Variants in MSRB3 observed in about 807,000 individuals in gnomAD.
MSRB3 encodes the protein methionine sulfoxide reductase B3.
In MSRB3, 13 loss-of-function variants were observed where a neutral mutation model predicts 21.0. The observed-to-expected ratio is 0.62, with a 90% confidence interval of 0.40 to 0.98. MSRB3 has a LOEUF of 0.98. Among genes scored for constraint, MSRB3 ranks in the 50% least tolerant of loss-of-function variants. MSRB3 has a pLI of 0.00. For missense variants in MSRB3, 199 were observed against 230.3 expected (o/e 0.86, Z 0.88); for synonymous variants, 87 against 88.6 (o/e 0.98, Z 0.10).
chr12:65,290,153 G>A (rs1200466254), intron 1 of MSRB3, among the ~76,000 whole-genome samples: 1 of 151,940 alleles, frequency 6.6e-6, no homozygotes, highest in East Asian at 1.9e-4. Context: ...GATGATAATA[G>A]TGATAATAAT....
intron 6 of MSRB3, 27 bp downstream of exon 6, chr12:65,453,852 A>G (rs1015590576): frequency 1.4e-5 from 22 of 1,573,930 alleles, no homozygotes; most frequent in African/African-American, 4.1e-5. Flanking sequence ...TGAAAACCCA[A>G]TACATTGCTT....
At chr12:65,371,370 A>G (rs2136538228) in intron 5 of MSRB3, among the ~76,000 whole-genome samples, 1 of 150,752 alleles carries the variant, frequency 6.6e-6, no homozygotes, top group South Asian at 2.1e-4. Context: ...AGCATATTGG[A>G]ACAATTAAAT....
At chr12:65,454,752 T>C (rs1199310759) in intron 6 of MSRB3, among the ~76,000 whole-genome samples, 1 of 152,170 alleles carries the variant, frequency 6.6e-6, no homozygotes, top group African/African-American at 2.4e-5. Context: ...TTAACCAAAT[T>C]AATGCTGGCT....
At position 65,421,460 on chromosome 12, in the gene MSRB3, A is replaced by G. The variant is rs557837715; in HGVS notation, c.293-32268A>G. On this transcript the variant is annotated intron_variant, in intron 5 of 6. Coordinates refer to ENST00000308259, the MANE Select transcript of MSRB3 (RefSeq NM_001031679.3). ...TTTCTTTTGCTGTGCAGAAGCTCTTAAGTTTAATTAGATCTCATTTGTCAG... is the reference window on the plus strand; with the variant it reads ...TTTCTTTTGCTGTGCAGAAGCTCTTGAGTTTAATTAGATCTCATTTGTCAG... Among the ~76,000 whole-genome samples the G allele has an allele frequency of 2.2e-3, 342 of 152,114 alleles. 1 individual carries two copies. Among genetic ancestry groups the G allele is most frequent in the African/African-American group, 8.1e-3 (335 of 41,522 alleles).
chr12:65,374,710 T>G (rs1324222079), intron 5 of MSRB3, among the ~76,000 whole-genome samples: 1 of 152,358 alleles, frequency 6.6e-6, no homozygotes. Flanking sequence ...TTGATTATCA[T>G]CTTTAAAAAA....
At position 65,465,359 on chromosome 12, in the gene MSRB3, G is replaced by A. The variant is rs542471981; in HGVS notation, c.*2037G>A. ...GTTTGGATGCTAATCTTGAATTGTA[G>A]TTTAAAAAATACGTATTTTTGTAAC... On this transcript the variant is annotated 3_prime_UTR_variant, in exon 7 of 7. Coordinates refer to ENST00000308259, the MANE Select transcript of MSRB3 (RefSeq NM_001031679.3). 1 of 152,258 alleles carries A rather than the reference G, an allele frequency of 6.6e-6. No homozygotes were observed. The highest frequency in any genetic ancestry group is 2.1e-4 in the South Asian group (1 of 4,820). The allele number at this position is 152,258 out of a possible 1,614,324, so 9.4% of individuals were successfully genotyped here.
intron 6 of MSRB3, among the ~76,000 whole-genome samples, chr12:65,462,244 T>C (rs1220309608): frequency 6.6e-6 from 1 of 152,170 alleles, no homozygotes; most frequent in Non-Finnish European, 1.5e-5. Context: ...CCATCCCTGA[T>C]GGAAAAGGGC....
chr12:65,462,660 G>A (rs574533135), intron 6 of MSRB3, among the ~76,000 whole-genome samples: 2 of 152,288 alleles, frequency 1.3e-5, no homozygotes, highest in South Asian at 4.1e-4. Flanking sequence ...TGGGTTCCAA[G>A]AACATCCAAT....
At chr12:65,281,401 C>G (rs905765190) in intron 1 of MSRB3, among the ~76,000 whole-genome samples, 3 of 152,138 alleles carry the variant, frequency 2.0e-5, no homozygotes, top group Admixed American at 2.0e-4. Context: ...TCAGAGCCAC[C>G]TACTACATGT....
At chr12:65,300,239 A>C (rs923843557) in intron 1 of MSRB3, among the ~76,000 whole-genome samples, 2 of 152,194 alleles carry the variant, frequency 1.3e-5, no homozygotes, top group African/African-American at 4.8e-5. Flanking sequence ...TTTGCAGCTG[A>C]GGAAAATCTT....
At chr12:65,363,680 G>A (rs1877837930) in intron 4 of MSRB3, among the ~76,000 whole-genome samples, 1 of 151,834 alleles carries the variant, frequency 6.6e-6, no homozygotes. Flanking sequence ...AATAATAGTG[G>A]CTTAAAAAAA....
chr12:65,290,223 C>T (rs75864433), intron 1 of MSRB3, among the ~76,000 whole-genome samples: 16,747 of 151,940 alleles, frequency 0.11, 1,175 homozygotes, highest in East Asian at 0.29. Flanking sequence ...TTATTTATTA[C>T]AGTTTTATCA....
At chr12:65,300,165 A>G (rs1047760325) in intron 1 of MSRB3, among the ~76,000 whole-genome samples, 5 of 152,142 alleles carry the variant, frequency 3.3e-5, no homozygotes, top group African/African-American at 1.2e-4. Flanking sequence ...TAAACTTTCA[A>G]TTGCTTCAGG....
chr12:65,340,198 A>T (rs1371591591), intron 4 of MSRB3, among the ~76,000 whole-genome samples: 1 of 152,232 alleles, frequency 6.6e-6, no homozygotes, highest in Non-Finnish European at 1.5e-5. Context: ...GGGCTGAAAA[A>T]TGCAATAACT....
intron 4 of MSRB3, among the ~76,000 whole-genome samples, chr12:65,354,604 G>A (rs1373111863): frequency 6.6e-6 from 1 of 151,712 alleles, no homozygotes; most frequent in Admixed American, 6.6e-5. Flanking sequence ...CTCGGCATTG[G>A]TTATTCTATT....
At chr12:65,341,371 G>C (rs1876127760) in intron 4 of MSRB3, among the ~76,000 whole-genome samples, 1 of 129,082 alleles carries the variant, frequency 7.7e-6, no homozygotes, top group South Asian at 2.1e-4. Context: ...TGAACTCATG[G>C]AGAGAGAGAG....
chr12:65,327,203 G>A (rs1422051771), intron 3 of MSRB3, among the ~76,000 whole-genome samples: 2 of 152,222 alleles, frequency 1.3e-5, no homozygotes, highest in Non-Finnish European at 2.9e-5. Flanking sequence ...TACAAAATGT[G>A]TGGAAGTAAC....
intron 5 of MSRB3, among the ~76,000 whole-genome samples, chr12:65,405,670 T>G (rs1217013432): frequency 6.6e-6 from 1 of 152,084 alleles, no homozygotes; most frequent in Non-Finnish European, 1.5e-5. Context: ...TCAATACTGT[T>G]TTCTGTAAGG....
intron 5 of MSRB3, among the ~76,000 whole-genome samples, chr12:65,428,507 G>T (rs1320430868): frequency 1.3e-5 from 2 of 152,118 alleles, no homozygotes; most frequent in Non-Finnish European, 2.9e-5. Flanking sequence ...TTCAACACTT[G>T]CTCTAATGGA....
Sources: gnomAD v4.1 joint callset for allele counts (sites outside exome capture counted in the v4.1 genomes callset) on GRCh38, gnomAD v4.1.1 for gene constraint, MANE v1.5 for transcripts, NCBI Gene and HGNC (gene_info 2026-07-23, HGNC 2026-07-21) for gene names.